Variants in OPCML observed in about 807,000 individuals in gnomAD.
OPCML encodes the protein opioid-binding protein/cell adhesion molecule.
In OPCML, 13 loss-of-function variants were observed where a neutral mutation model predicts 37.8. The ratio of observed to expected loss-of-function variants is 0.34; its 90% CI spans 0.22 to 0.55. OPCML has a LOEUF of 0.55. Ranked by LOEUF, OPCML falls within the 20% of genes least tolerant of loss-of-function variation. OPCML has a pLI of 0.91. For synonymous variants in OPCML, 176 were observed against 168.8 expected, an observed-to-expected ratio of 1.04 and a Z score of -0.33; for missense variants, 341 against 435.6, an observed-to-expected ratio of 0.78 and a Z score of 1.93.
chr11:133,280,952 C>T (rs185091171), intron 1 of OPCML, among the ~76,000 whole-genome samples: 16 of 152,120 alleles, frequency 1.1e-4, no homozygotes, highest in African/African-American at 3.6e-4. Flanking sequence ...ATTGTCCTAA[C>T]GTTCTTGGGC....
intron 2 of OPCML, among the ~76,000 whole-genome samples, chr11:132,850,509 T>A (rs1236982050): frequency 7.1e-6 from 1 of 140,518 alleles, no homozygotes; most frequent in South Asian, 2.2e-4. Flanking sequence ...TTCTACACTG[T>A]GGAAAGGGTG....
At chr11:132,824,534 T>C (rs1416249844) in intron 2 of OPCML, among the ~76,000 whole-genome samples, 2 of 152,180 alleles carry the variant, frequency 1.3e-5, no homozygotes, top group African/African-American at 4.8e-5. Context: ...AAGAATTTTA[T>C]ATACACTTTG....
intron 2 of OPCML, among the ~76,000 whole-genome samples, chr11:132,890,721 G>C (rs1271299636): frequency 4.0e-5 from 6 of 150,742 alleles, no homozygotes; most frequent in African/African-American, 1.2e-4. Context: ...GCCAGGCGTG[G>C]TGGTGGGCGC....
At chr11:132,739,073 C>T (rs1945354637) in intron 2 of OPCML, among the ~76,000 whole-genome samples, 1 of 152,182 alleles carries the variant, frequency 6.6e-6, no homozygotes, top group African/African-American at 2.4e-5. Context: ...CCTATCAGCT[C>T]AGAAATGACG....
At chr11:132,517,298 G>A (rs923217885) in intron 4 of OPCML, among the ~76,000 whole-genome samples, 10 of 152,150 alleles carry the variant, frequency 6.6e-5, no homozygotes, top group Non-Finnish European at 1.3e-4. Context: ...AAGTATAAAT[G>A]GCTTTGAAAA....
intron 2 of OPCML, among the ~76,000 whole-genome samples, chr11:132,730,836 A>T (rs1169704639): frequency 6.6e-6 from 1 of 152,156 alleles, no homozygotes; most frequent in African/African-American, 2.4e-5. Flanking sequence ...ATAACATCAC[A>T]TGAAGCCTGT....
At chr11:133,220,240 G>A (rs991034932) in intron 1 of OPCML, among the ~76,000 whole-genome samples, 7 of 152,186 alleles carry the variant, frequency 4.6e-5, no homozygotes, top group Admixed American at 3.9e-4. Flanking sequence ...CCAGACAGGA[G>A]AGGGAGTGGC....
At chr11:132,496,696 A>C (rs1466568262) in intron 4 of OPCML, among the ~76,000 whole-genome samples, 1 of 152,274 alleles carries the variant, frequency 6.6e-6, no homozygotes, top group Non-Finnish European at 1.5e-5. Flanking sequence ...CTCAAAATGT[A>C]CTTGCATATA....
rs1314650910 is a variant in OPCML, at chr11:133,376,955, G to A, written c.61+155309C>T. Among the ~76,000 whole-genome samples the A allele has an allele frequency of 2.0e-5, 3 of 152,170 alleles. No individual in the cohort carries two copies. The East Asian group carries it at 5.8e-4, about 29-fold the overall frequency. On this transcript the variant is annotated intron_variant, in intron 1 of 7. Coordinates refer to ENST00000524381, the MANE Select transcript of OPCML (RefSeq NM_001012393.5). ...GCAGGCAAATGGGAAATGAAGAAAG[G>A]TCAAAAGAAGGAAGGGAGGGAGGGA...
At chr11:133,097,315 A>C (rs549876129) in intron 1 of OPCML, among the ~76,000 whole-genome samples, 1 of 152,354 alleles carries the variant, frequency 6.6e-6, no homozygotes, top group East Asian at 1.9e-4. Context: ...GTCAAAGAAT[A>C]AATCTCAAGA....
At chr11:132,493,759 T>G (rs2096223101) in intron 4 of OPCML, among the ~76,000 whole-genome samples, 1 of 152,224 alleles carries the variant, frequency 6.6e-6, no homozygotes, top group South Asian at 2.1e-4. Flanking sequence ...CCATATCAAA[T>G]CTTTAAAGAA....
chr11:133,501,766 C>T (rs1249745884), intron 1 of OPCML, among the ~76,000 whole-genome samples: 2 of 151,930 alleles, frequency 1.3e-5, no homozygotes, highest in African/African-American at 4.8e-5. Flanking sequence ...CACTGGCCAT[C>T]TTCGACGTGA....
chr11:133,403,903 G>C (rs1191356468), intron 1 of OPCML, among the ~76,000 whole-genome samples: 1 of 152,164 alleles, frequency 6.6e-6, no homozygotes, highest in Non-Finnish European at 1.5e-5. Flanking sequence ...ACTCTCCTAG[G>C]TGTTGTGTTA....
chr11:133,209,342 G>A (rs1054292164), intron 1 of OPCML, among the ~76,000 whole-genome samples: 2 of 152,158 alleles, frequency 1.3e-5, no homozygotes, highest in Non-Finnish European at 2.9e-5. Context: ...AGTATTGAGA[G>A]GTTTGAGAAC....
intron 2 of OPCML, among the ~76,000 whole-genome samples, chr11:132,674,985 T>A (rs1172796276): frequency 6.6e-6 from 1 of 152,164 alleles, no homozygotes; most frequent in Non-Finnish European, 1.5e-5. Flanking sequence ...TCAGCTACTA[T>A]TCATATGTTC....
At chr11:132,503,155 G>A (rs922709883) in intron 4 of OPCML, among the ~76,000 whole-genome samples, 5 of 152,262 alleles carry the variant, frequency 3.3e-5, no homozygotes, top group South Asian at 2.1e-4. Context: ...GATTACAAAG[G>A]CAATGTTGAA....
intron 2 of OPCML, among the ~76,000 whole-genome samples, chr11:132,820,874 C>T (rs1256148408): frequency 6.6e-6 from 1 of 152,178 alleles, no homozygotes; most frequent in Admixed American, 6.5e-5. Context: ...AAACTTGTCC[C>T]TCTGAGAGGG....
intron 1 of OPCML, among the ~76,000 whole-genome samples, chr11:133,175,428 G>A (rs1051287363): frequency 1.3e-5 from 2 of 148,648 alleles, no homozygotes; most frequent in African/African-American, 4.9e-5. Context: ...TATTAAAGAT[G>A]TTTATACCTT....
chr11:133,451,192 C>A lies in OPCML; in HGVS notation c.61+81072G>T, dbSNP rs150759932. Among the ~76,000 whole-genome samples the A allele has an allele frequency of 1.1e-3, 163 of 151,704 alleles. 11 individuals are homozygous for A. Among genetic ancestry groups the A allele is most frequent in the African/African-American group, 3.7e-3 (151 of 41,054 alleles). On this transcript the variant is annotated intron_variant, in intron 1 of 7. Coordinates refer to ENST00000524381, the MANE Select transcript of OPCML (RefSeq NM_001012393.5). ...AAGGAGTAGCTTCTAACAGAACAAT[C>A]TTTGCACAGATAATAACTATAAAAT...
Sources: allele counts gnomAD v4.1 joint callset (sites outside exome capture counted in the v4.1 genomes callset), GRCh38; gene constraint gnomAD v4.1.1; transcripts MANE v1.5; gene names NCBI Gene and HGNC (gene_info 2026-07-23, HGNC 2026-07-21).